The following CDH18 variants were observed in gnomAD, a reference collection of about 807,000 sequenced individuals.
CDH18 encodes cadherin 18.
In CDH18, 31 loss-of-function variants were observed where a neutral mutation model predicts 67.9. That is an observed-to-expected ratio of 0.46 (90% CI 0.34 to 0.62). The LOEUF (loss-of-function observed/expected upper bound fraction) is 0.62. CDH18 is among the 20% of genes least tolerant of loss of function. The pLI is 0.01. For synonymous variants in CDH18, 362 were observed against 347.2 expected (o/e 1.04, Z -0.48); for missense variants, 890 against 975.5 (o/e 0.91, Z 1.17).
chr5:20,306,012 A>G (rs1736417802), intron 1 of CDH18: 1 of 153,188 alleles, frequency 6.5e-6, no homozygotes, highest in South Asian at 2.1e-4. Context: ...TCATAACAAT[A>G]TAGACATGTT....
intron 2 of CDH18, among the ~76,000 whole-genome samples, chr5:20,013,910 G>A (rs1295094592): frequency 1.3e-5 from 2 of 152,034 alleles, no homozygotes; most frequent in Non-Finnish European, 2.9e-5. Context: ...GCTGTTAACA[G>A]CAAGAAAAAT....
At chr5:19,631,028 A>G (rs1045811105) in intron 5 of CDH18, among the ~76,000 whole-genome samples, 1 of 151,884 alleles carries the variant, frequency 6.6e-6, no homozygotes, top group South Asian at 2.1e-4. Context: ...ATGCTCTTCA[A>G]TCTTAGGGTT....
intron 5 of CDH18, among the ~76,000 whole-genome samples, chr5:19,674,859 C>T (rs934806007): frequency 6.6e-6 from 1 of 151,900 alleles, no homozygotes; most frequent in African/African-American, 2.4e-5. Flanking sequence ...AGCAAAAATC[C>T]AATCCAGAAA....
intron 2 of CDH18, among the ~76,000 whole-genome samples, chr5:20,247,688 C>T (rs1396079205): frequency 6.6e-6 from 1 of 150,406 alleles, no homozygotes; most frequent in South Asian, 2.1e-4. Context: ...CACTTGAACC[C>T]GGGAGGCAGA....
At chr5:19,977,864 T>C (rs899273428) in intron 2 of CDH18, among the ~76,000 whole-genome samples, 5 of 152,152 alleles carry the variant, frequency 3.3e-5, no homozygotes, top group African/African-American at 1.2e-4. Flanking sequence ...ATTAGTTTGA[T>C]CAGTAAACAC....
rs571395018 is a variant in CDH18 at position 19,933,413 on chromosome 5, CATT to C, written c.-257+47644_-257+47646del. Among the ~76,000 whole-genome samples, 34 of 151,672 alleles carry C rather than the reference CATT, an allele frequency of 2.2e-4. No homozygotes were observed. In the East Asian group the frequency reaches 4.5e-3, roughly 20 times the overall value. ...CAATTGCACCCCTTTCCTCATCCATCATTATTTTTCTCCTTTTCTTTACATATT... is the reference window on the plus strand; with the variant it reads ...CAATTGCACCCCTTTCCTCATCCATCATTTTTCTCCTTTTCTTTACATATT... On this transcript the variant is annotated intron_variant, in intron 2 of 12. Transcript: ENST00000382275.
At chr5:20,201,927 A>G (rs1057029614) in intron 2 of CDH18, among the ~76,000 whole-genome samples, 2 of 152,318 alleles carry the variant, frequency 1.3e-5, no homozygotes, top group African/African-American at 2.4e-5. Context: ...AGGTTGCAGC[A>G]ATCCAGTGAC....
chr5:20,199,140 G>C (rs1207219839), intron 2 of CDH18, among the ~76,000 whole-genome samples: 1 of 152,174 alleles, frequency 6.6e-6, no homozygotes, highest in Non-Finnish European at 1.5e-5. Context: ...CTATGTGAAG[G>C]GGGCTATTGT....
intron 1 of CDH18, among the ~76,000 whole-genome samples, chr5:20,454,897 A>G (rs1750730838): frequency 1.3e-5 from 2 of 152,224 alleles, no homozygotes; most frequent in Admixed American, 1.3e-4. Context: ...GAAAGGGGTT[A>G]TGTCCTCCCT....
intron 1 of CDH18, among the ~76,000 whole-genome samples, chr5:20,364,044 T>G (rs1742313706): frequency 6.6e-6 from 1 of 152,128 alleles, no homozygotes; most frequent in African/African-American, 2.4e-5. Flanking sequence ...CAGGGTTCCC[T>G]TCTCGTGTTT....
At chr5:19,551,886 A>AT (rs1737514751) in intron 8 of CDH18, among the ~76,000 whole-genome samples, 1 of 152,138 alleles carries the variant, frequency 6.6e-6, no homozygotes, top group East Asian at 1.9e-4. Flanking sequence ...ACATAGAGCA[A>AT]TTTTTATTTG....
intron 11 of CDH18, among the ~76,000 whole-genome samples, chr5:19,497,122 C>A (rs1314304223): frequency 6.6e-6 from 1 of 151,720 alleles, no homozygotes; most frequent in Non-Finnish European, 1.5e-5. Flanking sequence ...CTTTCCCCTA[C>A]CCCCACCAGG....
At chr5:19,812,391 T>C (rs1365762210) in intron 3 of CDH18, among the ~76,000 whole-genome samples, 1 of 152,170 alleles carries the variant, frequency 6.6e-6, no homozygotes, top group Non-Finnish European at 1.5e-5. Flanking sequence ...TGAAAGTGCA[T>C]GTAGAACGTA....
At chr5:20,084,107 C>T (rs1009278885) in intron 2 of CDH18, among the ~76,000 whole-genome samples, 2 of 152,168 alleles carry the variant, frequency 1.3e-5, no homozygotes, top group African/African-American at 4.8e-5. Context: ...CAAGGCAAGT[C>T]CCTTCCACCT....
At chr5:20,475,156 C>T (rs1036666180) in intron 1 of CDH18, among the ~76,000 whole-genome samples, 4 of 152,034 alleles carry the variant, frequency 2.6e-5, no homozygotes, top group Non-Finnish European at 4.4e-5. Context: ...GCACATTTTT[C>T]TAATATACAA....
At chr5:20,302,409 A>C (rs1319072189) in intron 1 of CDH18, among the ~76,000 whole-genome samples, 1 of 152,082 alleles carries the variant, frequency 6.6e-6, no homozygotes, top group South Asian at 2.1e-4. Context: ...CAGTGTAAAA[A>C]TCATGGCCAC....
intron 1 of CDH18, among the ~76,000 whole-genome samples, chr5:20,398,780 C>T (rs1311822128): frequency 6.7e-6 from 1 of 149,722 alleles, no homozygotes; most frequent in African/African-American, 2.5e-5. Flanking sequence ...CGTATACCTA[C>T]GTAGAAAACC....
chr5:19,910,337 C>A (rs1018187119), intron 2 of CDH18, among the ~76,000 whole-genome samples: 1 of 152,122 alleles, frequency 6.6e-6, no homozygotes, highest in Non-Finnish European at 1.5e-5. Context: ...GTTTATATCA[C>A]CCCAGAGTGC....
chr5:20,326,918 T>G (rs1738651806), intron 1 of CDH18, among the ~76,000 whole-genome samples: 1 of 152,192 alleles, frequency 6.6e-6, no homozygotes, highest in African/African-American at 2.4e-5. Flanking sequence ...CACGATCTAG[T>G]TAACAACTAC....
Sources: gnomAD v4.1 joint callset for allele counts (sites outside exome capture counted in the v4.1 genomes callset) on GRCh38, gnomAD v4.1.1 for gene constraint, MANE v1.5 for transcripts, NCBI Gene and HGNC (gene_info 2026-07-23, HGNC 2026-07-21) for gene names.